SH3GL2: variants seen among roughly 807,000 people sequenced by gnomAD.
SH3GL2 encodes the protein endophilin-A1.
SH3GL2 carries 24 observed loss-of-function variants against 46.0 expected under a neutral mutation model. The observed-to-expected ratio is 0.52, with a 90% CI of 0.38 to 0.73. The LOEUF (loss-of-function observed/expected upper bound fraction) is 0.73. Among genes scored for constraint, SH3GL2 ranks in the 30% least tolerant of loss-of-function variants. SH3GL2 has a pLI of 0.00. For synonymous variants in SH3GL2, 196 were observed against 147.1 expected, an observed-to-expected ratio of 1.33 and a Z score of -2.40; for missense variants, 413 against 424.2, an observed-to-expected ratio of 0.97 and a Z score of 0.23.
chr9:17,787,893 ATAGT>A (rs1378159899), intron 5 of SH3GL2, among the ~76,000 whole-genome samples: 1 of 152,196 alleles, frequency 6.6e-6, no homozygotes, highest in Non-Finnish European at 1.5e-5. Context: ...GCTTAAATAA[ATAGT>A]TATTCTATCA....
At chr9:17,654,203 C>T (rs1588208298) in intron 1 of SH3GL2, among the ~76,000 whole-genome samples, 1 of 152,134 alleles carries the variant, frequency 6.6e-6, no homozygotes, top group South Asian at 2.1e-4. Flanking sequence ...TCCTGTTTCT[C>T]TCCACTGACC....
At chr9:17,775,438 G>A (rs185608808) in intron 3 of SH3GL2, among the ~76,000 whole-genome samples, 1 of 152,124 alleles carries the variant, frequency 6.6e-6, no homozygotes, top group African/African-American at 2.4e-5. Context: ...AAACCCATCT[G>A]TTGTGTTTTG....
intron 1 of SH3GL2, among the ~76,000 whole-genome samples, chr9:17,620,435 A>G (rs1819110888): frequency 1.3e-5 from 2 of 152,182 alleles, no homozygotes; most frequent in African/African-American, 2.4e-5. Flanking sequence ...ACTCCCAACA[A>G]CCCTATGAGG....
At chr9:17,666,412 G>T (rs1034182949) in intron 1 of SH3GL2, among the ~76,000 whole-genome samples, 1 of 151,956 alleles carries the variant, frequency 6.6e-6, no homozygotes, top group South Asian at 2.1e-4. Flanking sequence ...TGTTTATGCA[G>T]CTCCCACCCT....
At chr9:17,665,210 A>G (rs906888064) in intron 1 of SH3GL2, among the ~76,000 whole-genome samples, 2 of 152,170 alleles carry the variant, frequency 1.3e-5, no homozygotes, top group South Asian at 2.1e-4. Context: ...TTATATAACC[A>G]TAGTACAGTG....
At chr9:17,582,731 C>G (rs893479341) in intron 1 of SH3GL2, among the ~76,000 whole-genome samples, 1 of 152,232 alleles carries the variant, frequency 6.6e-6, no homozygotes, top group Admixed American at 6.5e-5. Context: ...GAGACAAGCA[C>G]ACTTGAAGTC....
chr9:17,598,306 ACTT>A (rs1317355111), intron 1 of SH3GL2, among the ~76,000 whole-genome samples: 1 of 152,216 alleles, frequency 6.6e-6, no homozygotes, highest in Non-Finnish European at 1.5e-5. Context: ...GTAAAGAACT[ACTT>A]CTCATGTCTT....
intron 1 of SH3GL2, among the ~76,000 whole-genome samples, chr9:17,605,281 A>G (rs1278691679): frequency 6.6e-6 from 1 of 152,086 alleles, no homozygotes; most frequent in Non-Finnish European, 1.5e-5. Context: ...AGTAGGCTAC[A>G]GTTACTTTTG....
intron 1 of SH3GL2, among the ~76,000 whole-genome samples, chr9:17,658,482 C>T (rs1015286758): frequency 6.6e-6 from 1 of 152,148 alleles, no homozygotes; most frequent in African/African-American, 2.4e-5. Flanking sequence ...TTTATAATAG[C>T]AATTAATAAA....
At chr9:17,623,039 TCCTTCCCCTTC>T (rs1260579872) in intron 1 of SH3GL2, among the ~76,000 whole-genome samples, 36 of 84,240 alleles carry the variant, frequency 4.3e-4, no homozygotes, top group African/African-American at 2.2e-3. Context: ...TCCTTTCCTT[TCCTTCCCCTTC>T]CCCTTCCCCT....
chr9:17,775,457 G>A (rs930916701), intron 3 of SH3GL2, among the ~76,000 whole-genome samples: 2 of 152,164 alleles, frequency 1.3e-5, no homozygotes, highest in African/African-American at 2.4e-5. Context: ...TGCAAGGCTG[G>A]ATGATGTGTA....
chr9:17,641,519 C>T (rs904180244), intron 1 of SH3GL2, among the ~76,000 whole-genome samples: 1 of 152,062 alleles, frequency 6.6e-6, no homozygotes, highest in Non-Finnish European at 1.5e-5. Flanking sequence ...TATACATGTG[C>T]CATGGTAGTT....
At chr9:17,632,226 A>T (rs1250120916) in intron 1 of SH3GL2, among the ~76,000 whole-genome samples, 1 of 152,242 alleles carries the variant, frequency 6.6e-6, no homozygotes, top group Non-Finnish European at 1.5e-5. Flanking sequence ...GTGAAATACT[A>T]CAAAGAAGTT....
chr9:17,636,053 T>C (rs1399591889), intron 1 of SH3GL2, among the ~76,000 whole-genome samples: 2 of 152,214 alleles, frequency 1.3e-5, no homozygotes, highest in Non-Finnish European at 1.5e-5. Context: ...GATTATCTTA[T>C]ATCTGCTTGC....
intron 1 of SH3GL2, among the ~76,000 whole-genome samples, chr9:17,730,256 A>T (rs10756909): frequency 0.5 from 75,298 of 151,618 alleles, 19,194 homozygotes; most frequent in East Asian, 0.67. Context: ...GATTGGGCTC[A>T]CTGTCTATTA....
intron 3 of SH3GL2, among the ~76,000 whole-genome samples, chr9:17,763,291 A>C (rs748564461): frequency 3.9e-5 from 6 of 152,134 alleles, no homozygotes; most frequent in Non-Finnish European, 8.8e-5. Context: ...TGTCTCCCCA[A>C]ATTCAGGTCC....
intron 3 of SH3GL2, among the ~76,000 whole-genome samples, chr9:17,779,110 G>C (rs1368563640): frequency 6.6e-6 from 1 of 152,076 alleles, no homozygotes; most frequent in Admixed American, 6.6e-5. Context: ...CTGATAAGAG[G>C]TGGGACTTCA....
intron 1 of SH3GL2, among the ~76,000 whole-genome samples, chr9:17,640,373 A>G (rs1172947755): frequency 6.6e-6 from 1 of 152,086 alleles, no homozygotes; most frequent in Non-Finnish European, 1.5e-5. Context: ...TTTTTAAACC[A>G]TATTAATCCA....
At chr9:17,592,986 AC>A (rs1006056252) in intron 1 of SH3GL2, among the ~76,000 whole-genome samples, 1 of 152,042 alleles carries the variant, frequency 6.6e-6, no homozygotes, top group African/African-American at 2.4e-5. Context: ...CTCCATAAAA[AC>A]CCAACATCAC....
Sources: gnomAD v4.1 joint callset for allele counts (sites outside exome capture counted in the v4.1 genomes callset) on GRCh38, gnomAD v4.1.1 for gene constraint, MANE v1.5 for transcripts, NCBI Gene and HGNC (gene_info 2026-07-23, HGNC 2026-07-21) for gene names.